TAB2: variants seen among roughly 807,000 people sequenced by gnomAD.
The protein encoded by TAB2 is TGF-beta-activated kinase 1 and MAP3K7-binding protein 2.
In TAB2, 3 loss-of-function variants were observed where a neutral mutation model predicts 65.0. The ratio of observed to expected loss-of-function variants is 0.05; its 90% CI spans 0.02 to 0.12. The LOEUF (loss-of-function observed/expected upper bound fraction) is 0.12, where lower values mean the gene tolerates loss of function less well. Ranked by LOEUF, TAB2 falls within the 10% of genes least tolerant of loss-of-function variation. The probability of loss-of-function intolerance (pLI) is 1.00; values close to 1 mark genes in which losing one functional copy is unlikely to be tolerated. For missense variants in TAB2, 623 were observed against 840.3 expected (o/e 0.74, Z 3.20); for synonymous variants, 298 against 285.1 (o/e 1.05, Z -0.46).
At chr6:149,282,830 C>T (rs533795735) in intron 1 of TAB2, among the ~76,000 whole-genome samples, 1 of 152,302 alleles carries the variant, frequency 6.6e-6, no homozygotes, top group South Asian at 2.1e-4. Flanking sequence ...GCTGTCATTA[C>T]TCTTGGGGGA....
intron 1 of TAB2, among the ~76,000 whole-genome samples, chr6:149,225,153 A>G (rs1032595530): frequency 1.3e-5 from 2 of 152,264 alleles, no homozygotes. Context: ...TCAGGAGCTT[A>G]TACGCCAAAC....
In TAB2 at chr6:149,357,287, G is replaced by C. The variant is rs189728848; in HGVS notation, c.-89-12622G>C. Reference sequence around the variant, plus strand: ...AAAAACTAATCGGGCGTGGTGGTGTGCACCTGTAGTCCCAACTGCTCAGGA... The same window carrying C: ...AAAAACTAATCGGGCGTGGTGGTGTCCACCTGTAGTCCCAACTGCTCAGGA... On this transcript the variant is annotated intron_variant, in intron 1 of 6. Transcript: ENST00000637181. Among the ~76,000 whole-genome samples, 1,073 of 151,760 alleles carry C rather than the reference G, an allele frequency of 7.1e-3. 8 individuals are homozygous for C. Among genetic ancestry groups the C allele is most frequent in the African/African-American group, 0.025 (1,031 of 41,378 alleles).
chr6:149,262,080 G>A (rs1318542287), intron 1 of TAB2, among the ~76,000 whole-genome samples: 1 of 152,216 alleles, frequency 6.6e-6, no homozygotes, highest in Non-Finnish European at 1.5e-5. Context: ...AAGGGAAATA[G>A]ATCTAGTGGA....
At chr6:149,259,606 A>G (rs1218108839) in intron 1 of TAB2, among the ~76,000 whole-genome samples, 1 of 152,200 alleles carries the variant, frequency 6.6e-6, no homozygotes, top group Non-Finnish European at 1.5e-5. Flanking sequence ...ACCTGGACAA[A>G]GGCAGGATAT....
rs1780758799 is a variant in TAB2 at position 149,358,943 on chromosome 6, T to G, written c.-89-10966T>G. Among the ~76,000 whole-genome samples the G allele has an allele frequency of 2.0e-5, 3 of 152,152 alleles. No homozygotes were observed. In the South Asian group the frequency reaches 6.2e-4, roughly 32 times the overall value. ...TTAACCTATTCATTGATTGTTACAT[T>G]TTATGATGATATATTTTCTAGAAGT... On this transcript the variant is annotated intron_variant, in intron 1 of 6. Transcript: ENST00000637181.
At chr6:149,309,637 T>C (rs574076615) in intron 1 of TAB2, among the ~76,000 whole-genome samples, 2 of 152,192 alleles carry the variant, frequency 1.3e-5, no homozygotes, top group Non-Finnish European at 2.9e-5. Flanking sequence ...GACCTCGTGA[T>C]CCACCCACCT....
At chr6:149,220,383 C>T (rs1427933151) in intron 1 of TAB2, among the ~76,000 whole-genome samples, 2 of 152,140 alleles carry the variant, frequency 1.3e-5, no homozygotes, top group African/African-American at 4.8e-5. Context: ...TGCTCTGTTA[C>T]TTTAAACTCC....
chr6:149,305,444 A>G (rs923297278), intron 1 of TAB2, among the ~76,000 whole-genome samples: 8 of 152,178 alleles, frequency 5.3e-5, no homozygotes, highest in African/African-American at 1.9e-4. Context: ...CAAATCTCAC[A>G]AGACTGTTCA....
At chr6:149,390,036 A>G (rs1562448917) in intron 3 of TAB2, among the ~76,000 whole-genome samples, 1 of 152,222 alleles carries the variant, frequency 6.6e-6, no homozygotes, top group Non-Finnish European at 1.5e-5. Flanking sequence ...AATTGCCTTT[A>G]AAAATGACAA....
chr6:149,284,530 C>G (rs1241683998), intron 1 of TAB2, among the ~76,000 whole-genome samples: 1 of 152,012 alleles, frequency 6.6e-6, no homozygotes, highest in Non-Finnish European at 1.5e-5. Flanking sequence ...TCAACAAGAG[C>G]TTTTTTAGTT....
intron 1 of TAB2, among the ~76,000 whole-genome samples, chr6:149,368,430 T>TA (rs1410634390): frequency 6.6e-6 from 1 of 151,930 alleles, no homozygotes; most frequent in Non-Finnish European, 1.5e-5. Flanking sequence ...TGAAGACACT[T>TA]ACGTATAAAC....
At chr6:149,308,997 A>G (rs1452871882) in intron 1 of TAB2, among the ~76,000 whole-genome samples, 1 of 145,442 alleles carries the variant, frequency 6.9e-6, no homozygotes, top group Non-Finnish European at 1.5e-5. Flanking sequence ...CTCTAGTGTA[A>G]TGCCTGACCC....
At chr6:149,286,759 G>T (rs1778682961) in intron 1 of TAB2, among the ~76,000 whole-genome samples, 1 of 152,184 alleles carries the variant, frequency 6.6e-6, no homozygotes, top group Admixed American at 6.5e-5. Context: ...TCTTAAAAAT[G>T]AAGAATTATT....
At chr6:149,224,987 T>G (rs755028596) in intron 1 of TAB2, among the ~76,000 whole-genome samples, 1 of 152,254 alleles carries the variant, frequency 6.6e-6, no homozygotes, top group Non-Finnish European at 1.5e-5. Context: ...TTCTGGAATT[T>G]GTGTTTTGGT....
chr6:149,278,609 G>A (rs1045191454), intron 1 of TAB2, among the ~76,000 whole-genome samples: 1 of 152,126 alleles, frequency 6.6e-6, no homozygotes, highest in African/African-American at 2.4e-5. Flanking sequence ...AAACAAGAGG[G>A]GAGTTACTTA....
At chr6:149,366,290 C>T (rs908812163) in intron 1 of TAB2, among the ~76,000 whole-genome samples, 2 of 152,118 alleles carry the variant, frequency 1.3e-5, no homozygotes, top group Non-Finnish European at 2.9e-5. Flanking sequence ...GCTCTGAAAT[C>T]GCAGTTCAGT....
chr6:149,331,469 G>A lies in TAB2; in HGVS notation c.-90+13454G>A, dbSNP rs116067472. 6.8e-3 allele frequency among the ~76,000 whole-genome samples: 1,029 copies of A among 152,132 alleles called. 9 individuals are homozygous for A. The highest frequency in any genetic ancestry group is 0.024 in the African/African-American group (979 of 41,510). ...GAGGTTTATTTTGTAGATTCATTGG[G>A]TTTTCTGATGTGCCTGTGCATAGAG... is the stretch of plus-strand genomic sequence containing the variant. On this transcript the variant is annotated intron_variant, in intron 1 of 6. Transcript: ENST00000637181.
At chr6:149,338,307 G>A (rs748502458) in intron 1 of TAB2, among the ~76,000 whole-genome samples, 1 of 152,144 alleles carries the variant, frequency 6.6e-6, no homozygotes, top group Non-Finnish European at 1.5e-5. Context: ...GAAAAATCTT[G>A]TCCTGACATT....
intron 1 of TAB2, among the ~76,000 whole-genome samples, chr6:149,252,431 T>C (rs1192707443): frequency 2.7e-5 from 4 of 150,368 alleles, no homozygotes; most frequent in Non-Finnish European, 5.9e-5. Flanking sequence ...AGGGCAGAGT[T>C]CTGTGTGCAT....
Sources: gnomAD v4.1 joint callset for allele counts (sites outside exome capture counted in the v4.1 genomes callset) on GRCh38, gnomAD v4.1.1 for gene constraint, MANE v1.5 for transcripts, NCBI Gene and HGNC (gene_info 2026-07-23, HGNC 2026-07-21) for gene names.